The following ERICH3 variants were observed in gnomAD, a reference collection of about 807,000 sequenced individuals.
ERICH3 encodes the protein glutamate rich 3, also known as glutamate-rich protein 3.
ERICH3 carries 126 observed loss-of-function variants against 131.1 expected under a neutral mutation model. That is an observed-to-expected ratio of 0.96 (90% CI 0.83 to 1.11). The LOEUF is 1.11. Ranked by LOEUF, ERICH3 falls within the 50% of genes most tolerant of loss-of-function variation. ERICH3 has a pLI of 0.00. For synonymous variants in ERICH3, 695 were observed against 644.6 expected (o/e 1.08, Z -1.18); for missense variants, 2,050 against 1,810.7 (o/e 1.13, Z -2.40).
chr1:74,655,277 C>G lies in ERICH3; in HGVS notation c.24-5962G>C, dbSNP rs552043219. Among the ~76,000 whole-genome samples, 13 of 152,146 alleles carry G rather than the reference C, an allele frequency of 8.5e-5. No homozygotes were observed. The South Asian group carries it at 2.7e-3, about 32-fold the overall frequency. On this transcript the variant is annotated intron_variant, in intron 1 of 14. Transcript: ENST00000326665. ...AGTGTTCATTAGTTTCCCATTGCTGCTATAACAAATTACCACATACTAGTA... is the reference window on the plus strand; with the variant it reads ...AGTGTTCATTAGTTTCCCATTGCTGGTATAACAAATTACCACATACTAGTA...
intron 2 of ERICH3, among the ~76,000 whole-genome samples, chr1:74,648,116 A>G (rs1160558528): frequency 6.6e-6 from 1 of 152,100 alleles, no homozygotes; most frequent in African/African-American, 2.4e-5. Flanking sequence ...GCTAGCTGAG[A>G]GGCTATATTT....
rs1232514179 is a variant in ERICH3, at chr1:74,577,086, T to G, written c.2177-150A>C. ...GCAGGCTATTGAAAGAAGACTGATCTGAAAATTCCTACCAGTATTGTATAA... is the reference window on the plus strand; with the variant it reads ...GCAGGCTATTGAAAGAAGACTGATCGGAAAATTCCTACCAGTATTGTATAA... On this transcript the variant is annotated intron_variant, in intron 12 of 14. Coordinates refer to ENST00000326665, the MANE Select transcript of ERICH3 (RefSeq NM_001002912.5). 5 of 623,254 alleles carry G rather than the reference T, an allele frequency of 8.0e-6. No individual in the cohort carries two copies. In the East Asian group the frequency reaches 1.4e-4, roughly 17 times the overall value. The allele number at this position is 623,254 out of a possible 1,614,324, so 38.6% of individuals were successfully genotyped here. A position where few individuals can be genotyped will look rare whatever the true frequency, so the allele number is the denominator to read the frequency against.
chr1:74,593,838 C>T (rs1261042266), intron 11 of ERICH3, among the ~76,000 whole-genome samples: 1 of 152,100 alleles, frequency 6.6e-6, no homozygotes, highest in Admixed American at 6.6e-5. Context: ...TTTGTAAATG[C>T]TTCTTTTGTA....
Position 74,641,460 on chromosome 1 carries a change from C to G in ERICH3, c.316-1G>C, listed in dbSNP as rs187299651. 1 of 1,609,428 alleles carries G rather than the reference C, an allele frequency of 6.2e-7. No homozygotes were observed. Among genetic ancestry groups the G allele is most frequent in the Admixed American group, 1.7e-5 (1 of 58,958 alleles). ...CAACAGACCTTCTTGTGTGCTCTCC[C>G]TAGAATAAGAAAGCAATTTAGCAAA... On this transcript the variant is annotated splice_acceptor_variant, in intron 4 of 14. Coordinates refer to ENST00000326665, the MANE Select transcript of ERICH3 (RefSeq NM_001002912.5). LOFTEE classifies it high-confidence loss of function.
At chr1:74,592,675 G>GC (rs1299734085) in intron 11 of ERICH3, among the ~76,000 whole-genome samples, 1 of 152,104 alleles carries the variant, frequency 6.6e-6, no homozygotes, top group Non-Finnish European at 1.5e-5. Context: ...TCAAGTTTGA[G>GC]TCAGTCCTTC....
At chr1:74,576,819 G>A (rs1294124938) in intron 13 of ERICH3, 76 bp downstream of exon 13, 3 of 1,282,384 alleles carry the variant, frequency 2.3e-6, no homozygotes, top group African/African-American at 1.5e-5. Context: ...TCAAGAACAT[G>A]GGAAGTTTGA....
At chr1:74,610,350 A>T (rs1648626543) in intron 9 of ERICH3, among the ~76,000 whole-genome samples, 2 of 150,520 alleles carry the variant, frequency 1.3e-5, no homozygotes, top group South Asian at 4.3e-4. Context: ...GAGAGCTTCC[A>T]GTTGTTCCCA....
At chr1:74,643,249 G>A in intron 3 of ERICH3, 151 bp from the exon 4 acceptor site, 1 of 560,372 alleles carries the variant, frequency 1.8e-6, no homozygotes, top group Non-Finnish European at 3.1e-6. Flanking sequence ...TGCACAAGTG[G>A]GAATGTAAAT....
intron 5 of ERICH3, among the ~76,000 whole-genome samples, chr1:74,639,853 C>T (rs1485752995): frequency 6.6e-6 from 1 of 152,086 alleles, no homozygotes; most frequent in African/African-American, 2.4e-5. Context: ...ATCTTCATCT[C>T]AGGGACACTT....
intron 1 of ERICH3, among the ~76,000 whole-genome samples, chr1:74,663,592 T>C (rs1287723329): frequency 1.3e-5 from 2 of 150,684 alleles, no homozygotes; most frequent in African/African-American, 4.9e-5. Flanking sequence ...ATGGAAGGGT[T>C]CTAAAAATGG....
intron 1 of ERICH3, among the ~76,000 whole-genome samples, chr1:74,662,825 C>T (rs1189224661): frequency 6.6e-6 from 1 of 152,056 alleles, no homozygotes; most frequent in Non-Finnish European, 1.5e-5. Flanking sequence ...TGAAATTATA[C>T]CATGTTTTTA....
chr1:74,652,905 A>C (rs544539874), intron 1 of ERICH3, among the ~76,000 whole-genome samples: 4 of 152,190 alleles, frequency 2.6e-5, no homozygotes, highest in Non-Finnish European at 5.9e-5. Context: ...TTCCTGGCTC[A>C]ATGCACTGGG....
At chr1:74,649,170 T>A in intron 2 of ERICH3, 52 bp downstream of exon 2, 1 of 1,279,722 alleles carries the variant, frequency 7.8e-7, no homozygotes, top group Non-Finnish European at 1.1e-6. Context: ...AGGTAGGGAA[T>A]TATTGGACTT....
rs1184277696 is a variant in ERICH3 at position 74,569,968 on chromosome 1, C to T, written c.*490G>A. 1 of 152,114 alleles carries T rather than the reference C, an allele frequency of 6.6e-6. No individual in the cohort carries two copies. The highest frequency in any genetic ancestry group is 2.4e-5 in the African/African-American group (1 of 41,422). The allele number at this position is 152,114 out of a possible 1,614,324, so 9.4% of individuals were successfully genotyped here. A position where few individuals can be genotyped will look rare whatever the true frequency, so the allele number is the denominator to read the frequency against. On this transcript the variant is annotated 3_prime_UTR_variant, in exon 15 of 15. Coordinates refer to ENST00000326665, the MANE Select transcript of ERICH3 (RefSeq NM_001002912.5). ...AGTGTACGTGGGAGGAAATTTAGAG[C>T]TCATTTTCACAGGCCAATTCATTAA...
chr1:74,613,799 A>T (rs537811911), intron 8 of ERICH3, among the ~76,000 whole-genome samples: 1 of 152,130 alleles, frequency 6.6e-6, no homozygotes, highest in Non-Finnish European at 1.5e-5. Context: ...GGGAAACCTT[A>T]TTCTCTGCAG....
At chr1:74,582,869 G>A (rs887128002) in intron 12 of ERICH3, among the ~76,000 whole-genome samples, 5 of 152,062 alleles carry the variant, frequency 3.3e-5, no homozygotes, top group African/African-American at 4.8e-5. Flanking sequence ...GAATGATGAC[G>A]ATGAAAGTTG....
At chr1:74,635,925 G>A (rs746546806) in intron 6 of ERICH3, among the ~76,000 whole-genome samples, 9 of 152,262 alleles carry the variant, frequency 5.9e-5, no homozygotes, top group Non-Finnish European at 1.0e-4. Flanking sequence ...CATTTTCTAG[G>A]TTTCATGCGT....
At chr1:74,624,051 G>A (rs746220250) in intron 7 of ERICH3, 4 of 152,170 alleles carry the variant, frequency 2.6e-5, no homozygotes, top group Non-Finnish European at 4.4e-5. Flanking sequence ...CAGTGCTGAT[G>A]CTTAGTAAGG....
At chr1:74,651,227 A>G (rs993075462) in intron 1 of ERICH3, among the ~76,000 whole-genome samples, 1 of 152,116 alleles carries the variant, frequency 6.6e-6, no homozygotes, top group Non-Finnish European at 1.5e-5. Flanking sequence ...TTTCTCCTTA[A>G]CAGCCCATCG....
Sources: gnomAD v4.1 joint callset for allele counts (sites outside exome capture counted in the v4.1 genomes callset) on GRCh38, gnomAD v4.1.1 for gene constraint, MANE v1.5 for transcripts, NCBI Gene and HGNC (gene_info 2026-07-23, HGNC 2026-07-21) for gene names.